The following PCNX1 variants were observed in gnomAD, a reference collection of about 807,000 sequenced individuals.
PCNX1 encodes the protein pecanex-like protein 1.
In PCNX1, 78 loss-of-function variants were observed where a neutral mutation model predicts 242.2. That is an observed-to-expected ratio of 0.32 (90% CI 0.27 to 0.39). PCNX1 has a LOEUF of 0.39. Among genes scored for constraint, PCNX1 ranks in the 10% least tolerant of loss-of-function variants. The pLI is 1.00. For missense variants in PCNX1, 2,581 were observed against 2,856.5 expected (o/e 0.90, Z 2.20); for synonymous variants, 1,024 against 1,032.9 (o/e 0.99, Z 0.17).
At chr14:70,997,693 A>G (rs1236451494) in intron 8 of PCNX1, among the ~76,000 whole-genome samples, 1 of 152,154 alleles carries the variant, frequency 6.6e-6, no homozygotes, top group Admixed American at 6.5e-5. Context: ...AATACTTAGT[A>G]ATAATTAGCA....
intron 26 of PCNX1, among the ~76,000 whole-genome samples, chr14:71,060,081 G>A (rs757125555): frequency 1.9e-4 from 29 of 151,940 alleles, no homozygotes; most frequent in Non-Finnish European, 3.2e-4. Context: ...TGTTTTTATC[G>A]TTAGATTCTT....
chr14:70,988,600 G>C lies in PCNX1; in HGVS notation c.2345G>C (p.Arg782Pro). ...GCCAGCGAGGAGGCAGTGTCATTTCGCCGTGAACGCAGCACATTTAGGCGC... is the reference window on the plus strand; with the variant it reads ...GCCAGCGAGGAGGCAGTGTCATTTCCCCGTGAACGCAGCACATTTAGGCGC... ...AQASEEAVSF[R>P]RERSTFRRQA... Residue 782 changes from arginine to proline, a missense_variant, in exon 7 of 36, where the codon CGC becomes CCC. Arg to Pro is a moderately radical substitution (Grantham distance 103). This residue lies in a region of PCNX1 where 1,204 missense variants were observed against 1,216.7 expected (regional missense o/e 0.99). Transcript: ENST00000304743. 1.9e-6 allele frequency: 3 copies of C among 1,614,052 alleles called. No individual in the cohort carries two copies. Among genetic ancestry groups the C allele is most frequent in the Admixed American group, 1.7e-5 (1 of 60,020 alleles).
chr14:71,096,096 G>A (rs2062271304), intron 30 of PCNX1, among the ~76,000 whole-genome samples: 1 of 152,192 alleles, frequency 6.6e-6, no homozygotes, highest in Admixed American at 6.5e-5. Flanking sequence ...GAGATGGGCG[G>A]ATCACGAGGT....
At chr14:71,072,387 T>C (rs946218691) in intron 26 of PCNX1, among the ~76,000 whole-genome samples, 1 of 152,230 alleles carries the variant, frequency 6.6e-6, no homozygotes, top group African/African-American at 2.4e-5. Flanking sequence ...AACATTATTA[T>C]GGAAGTGTTG....
intron 5 of PCNX1, among the ~76,000 whole-genome samples, chr14:70,975,246 A>G (rs188942004): frequency 9.8e-5 from 15 of 152,314 alleles, no homozygotes; most frequent in Admixed American, 2.0e-4. Context: ...ATAATTTAAT[A>G]TTACAAAACG....
chr14:70,930,779 T>C (rs1356471508), intron 1 of PCNX1, among the ~76,000 whole-genome samples: 1 of 152,050 alleles, frequency 6.6e-6, no homozygotes, highest in Non-Finnish European at 1.5e-5. Context: ...ATATTATGTT[T>C]TTTTTTTTCC....
At chr14:70,949,865 A>G (rs574459200) in intron 2 of PCNX1, among the ~76,000 whole-genome samples, 1 of 152,340 alleles carries the variant, frequency 6.6e-6, no homozygotes, top group Admixed American at 6.5e-5. Context: ...AACACTTGAC[A>G]TACCTCAAAA....
At chr14:70,982,992 T>A (rs921278918) in intron 6 of PCNX1, among the ~76,000 whole-genome samples, 1 of 152,230 alleles carries the variant, frequency 6.6e-6, no homozygotes, top group African/African-American at 2.4e-5. Context: ...AAATGCTTTA[T>A]GTATTGTAGG....
At chr14:71,059,251 A>G (rs2061262368) in intron 26 of PCNX1, among the ~76,000 whole-genome samples, 1 of 152,162 alleles carries the variant, frequency 6.6e-6, no homozygotes, top group Non-Finnish European at 1.5e-5. Context: ...AAACTTTTGG[A>G]TAAATCTTTT....
At chr14:70,918,025 TCCTCA>T (rs2056220337) in intron 1 of PCNX1, among the ~76,000 whole-genome samples, 2 of 152,228 alleles carry the variant, frequency 1.3e-5, no homozygotes, top group South Asian at 4.1e-4. Context: ...TTCTTCAGCT[TCCTCA>T]CCTCTTAGCC....
chr14:70,968,765 T>A (rs530380623), intron 4 of PCNX1, among the ~76,000 whole-genome samples: 1 of 152,348 alleles, frequency 6.6e-6, no homozygotes, highest in Non-Finnish European at 1.5e-5. Flanking sequence ...TTTAAAGAAA[T>A]AGTTTTATTA....
chr14:71,097,928 C>G (rs1342377172), intron 30 of PCNX1, among the ~76,000 whole-genome samples: 1 of 152,142 alleles, frequency 6.6e-6, no homozygotes, highest in Non-Finnish European at 1.5e-5. Flanking sequence ...ACATTTAAAT[C>G]TTTAATCCAT....
intron 1 of PCNX1, among the ~76,000 whole-genome samples, chr14:70,910,025 ACTCCTCC>A (rs2055755420): frequency 2.4e-4 from 3 of 12,574 alleles, no homozygotes; most frequent in Admixed American, 7.8e-4. Flanking sequence ...CTAGACGACG[ACTCCTCC>A]CTCCTCCTCC....
intron 7 of PCNX1, among the ~76,000 whole-genome samples, chr14:70,992,708 A>G (rs1230550485): frequency 6.6e-6 from 1 of 152,164 alleles, no homozygotes; most frequent in African/African-American, 2.4e-5. Flanking sequence ...CTAAATTTCT[A>G]CCTTTTCTTT....
At chr14:71,059,144 T>G (rs2061259805) in intron 26 of PCNX1, among the ~76,000 whole-genome samples, 1 of 152,206 alleles carries the variant, frequency 6.6e-6, no homozygotes, top group Non-Finnish European at 1.5e-5. Context: ...GGGGTGGTTC[T>G]TCTTACCATC....
At chr14:71,063,059 A>G (rs547069359) in intron 26 of PCNX1, among the ~76,000 whole-genome samples, 20 of 152,310 alleles carry the variant, frequency 1.3e-4, no homozygotes, top group African/African-American at 4.6e-4. Context: ...AGTACATTCT[A>G]TGATGTTTGC....
chr14:70,995,049 G>T (rs761879685), intron 7 of PCNX1, among the ~76,000 whole-genome samples: 2 of 152,082 alleles, frequency 1.3e-5, no homozygotes, highest in Non-Finnish European at 2.9e-5. Context: ...TTATGGGAAC[G>T]TAACTAATAC....
At chr14:71,065,550 T>G (rs1270172757) in intron 26 of PCNX1, among the ~76,000 whole-genome samples, 2 of 152,164 alleles carry the variant, frequency 1.3e-5, no homozygotes, top group Non-Finnish European at 2.9e-5. Flanking sequence ...TTGCAAAAAT[T>G]TTGTCTCATT....
At chr14:71,048,476 T>C (rs575805040) in intron 22 of PCNX1, among the ~76,000 whole-genome samples, 1 of 152,318 alleles carries the variant, frequency 6.6e-6, no homozygotes, top group Non-Finnish European at 1.5e-5. Flanking sequence ...CTAGGCCTTT[T>C]ACAAATAAGA....
Sources: allele counts gnomAD v4.1 joint callset (sites outside exome capture counted in the v4.1 genomes callset), GRCh38; gene constraint gnomAD v4.1.1; regional missense constraint gnomAD v4.1.1; transcripts MANE v1.5; gene names NCBI Gene and HGNC (gene_info 2026-07-23, HGNC 2026-07-21).